The following DNAH14 variants were observed in gnomAD, a reference collection of about 807,000 sequenced individuals.
DNAH14 encodes dynein axonemal heavy chain 14, also known as axonemal beta dynein heavy chain 14.
In DNAH14, 478 loss-of-function variants were observed where a neutral mutation model predicts 520.9. The ratio of observed to expected loss-of-function variants is 0.92; its 90% CI spans 0.85 to 0.99. DNAH14 has a LOEUF of 0.99. Ranked by LOEUF, DNAH14 falls within the 50% of genes least tolerant of loss-of-function variation. The pLI is 0.00. For missense variants in DNAH14, 4,831 were observed against 5,234.5 expected, an observed-to-expected ratio of 0.92 and a Z score of 2.38; for synonymous variants, 1,581 against 1,757.2, an observed-to-expected ratio of 0.90 and a Z score of 2.51.
chr1:225,262,092 G>A (rs1275750786), intron 46 of DNAH14, among the ~76,000 whole-genome samples: 1 of 151,774 alleles, frequency 6.6e-6, no homozygotes, highest in Non-Finnish European at 1.5e-5. Context: ...ATTGGTTTTT[G>A]TTGGCTTAGA....
At chr1:225,172,696 A>C (rs2149239531) in intron 36 of DNAH14, among the ~76,000 whole-genome samples, 2 of 152,308 alleles carry the variant, frequency 1.3e-5, no homozygotes, top group Middle Eastern at 3.4e-3. Context: ...GCCCAAGGTA[A>C]TTTATAGATT....
chr1:225,031,563 A>G (rs2066527030), intron 11 of DNAH14, among the ~76,000 whole-genome samples: 4 of 152,070 alleles, frequency 2.6e-5, no homozygotes, highest in Admixed American at 2.6e-4. Flanking sequence ...GATGTCTAAA[A>G]AGCTAAAAGA....
intron 39 of DNAH14, 120 bp downstream of exon 39, chr1:225,204,393 T>C (rs929855155): frequency 1.7e-6 from 1 of 574,972 alleles, no homozygotes; most frequent in South Asian, 2.8e-5. Flanking sequence ...TCCTGTACCA[T>C]TTATTTGTTC....
intron 11 of DNAH14, chr1:225,024,131 T>G: frequency 9.8e-7 from 1 of 1,023,534 alleles, no homozygotes; most frequent in Non-Finnish European, 1.2e-6. Context: ...TATGTTAAAA[T>G]TATTGTTTAT....
intron 23 of DNAH14, among the ~76,000 whole-genome samples, chr1:225,102,549 C>G (rs1208531073): frequency 1.3e-5 from 2 of 152,152 alleles, no homozygotes; most frequent in Admixed American, 6.5e-5. Flanking sequence ...CTCTCCAGCA[C>G]CTGTTGCTTC....
chr1:225,066,746 A>G (rs575928112), intron 17 of DNAH14, among the ~76,000 whole-genome samples: 97 of 151,890 alleles, frequency 6.4e-4, no homozygotes, highest in Non-Finnish European at 1.0e-3. Flanking sequence ...AGAACATATG[A>G]TATTTGGTTT....
At chr1:225,233,720 C>T (rs2091330733) in intron 42 of DNAH14, among the ~76,000 whole-genome samples, 1 of 152,048 alleles carries the variant, frequency 6.6e-6, no homozygotes, top group Non-Finnish European at 1.5e-5. Context: ...CAAAAATTTT[C>T]TCCCATTCTG....
rs1332045212 is a variant in DNAH14 at position 225,159,436 on chromosome 1, A to G, written c.5396A>G (p.Asp1799Gly). The G allele has an allele frequency of 6.5e-7, 1 of 1,543,442 alleles. No individual in the cohort carries two copies. The highest frequency in any genetic ancestry group is 2.0e-5 in the Admixed American group (1 of 49,446). ...DVPLFENIIGDIFPEVTVLKV... is the reference protein window; with the variant it reads ...DVPLFENIIGGIFPEVTVLKV... ...CCACTTTTTGAAAATATTATAGGAG[A>G]TATTTTTCCAGAAGTGACAGTTTTG... The change falls in exon 35 of 86, where the codon GAT (aspartate) becomes GGT (glycine). Residue 1799 changes from aspartate to glycine, a missense_variant. Physicochemically the swap from Asp to Gly is moderately conservative, Grantham distance 94. Coordinates refer to ENST00000682510, the MANE Select transcript of DNAH14 (RefSeq NM_001367479.1).
intron 7 of DNAH14, among the ~76,000 whole-genome samples, chr1:224,972,990 C>T (rs1229371951): frequency 6.6e-6 from 1 of 152,102 alleles, no homozygotes. Context: ...TCACTGGGTT[C>T]CCCTCTGATT....
intron 1 of DNAH14, among the ~76,000 whole-genome samples, chr1:224,951,630 G>A (rs2060176617): frequency 6.9e-6 from 1 of 144,582 alleles, no homozygotes; most frequent in African/African-American, 2.6e-5. Context: ...CATACCTACT[G>A]TGTAGATTTC....
At chr1:225,352,416 A>G (rs3913655) in intron 72 of DNAH14, among the ~76,000 whole-genome samples, 11,556 of 152,190 alleles carry the variant, frequency 0.076, 700 homozygotes, top group East Asian at 0.26. Flanking sequence ...CAAAATAGAC[A>G]ATTATATTAT....
At position 225,373,436 on chromosome 1, in the gene DNAH14, G is replaced by GC. The variant is rs111463182; in HGVS notation, c.12319-1251dup. Among the ~76,000 whole-genome samples, 229 of 151,676 alleles carry GC rather than the reference G, an allele frequency of 1.5e-3. 1 individual carries two copies. The highest frequency in any genetic ancestry group is 5.0e-3 in the African/African-American group (207 of 41,350). On this transcript the variant is annotated intron_variant, in intron 77 of 85. Transcript: ENST00000682510. The stretch of plus-strand genomic sequence containing the variant: ...GCCGAGGTCGCGCCACTGCACTCCA[G>GC]CTGGGCGACAGAGCAAGACTCCGTC...
At chr1:225,279,179 G>GTT (rs1273771987) in intron 54 of DNAH14, among the ~76,000 whole-genome samples, 13 of 151,984 alleles carry the variant, frequency 8.6e-5, no homozygotes, top group Non-Finnish European at 1.6e-4. Context: ...CTAATATTTT[G>GTT]TATTTTTAGT....
intron 36 of DNAH14, among the ~76,000 whole-genome samples, chr1:225,174,688 G>T (rs1457678420): frequency 1.3e-5 from 2 of 151,970 alleles, no homozygotes; most frequent in African/African-American, 4.8e-5. Context: ...TAATTGCTCT[G>T]CCTAGAACTT....
chr1:225,398,412 T>C, intron 84 of DNAH14, 108 bp from the exon 85 acceptor site: 14 of 1,352,050 alleles, frequency 1.0e-5, no homozygotes, highest in Non-Finnish European at 1.3e-5. Flanking sequence ...GCAACATGCC[T>C]TAGGCAGGAT....
chr1:225,377,658 G>T (rs2095718808), intron 79 of DNAH14, among the ~76,000 whole-genome samples: 1 of 152,048 alleles, frequency 6.6e-6, no homozygotes, highest in Non-Finnish European at 1.5e-5. Flanking sequence ...AACTTGCGAG[G>T]CTGAGACCCT....
chr1:225,361,758 G>T (rs941452783), intron 75 of DNAH14, among the ~76,000 whole-genome samples: 2 of 152,094 alleles, frequency 1.3e-5, no homozygotes, highest in Non-Finnish European at 2.9e-5. Context: ...AGTGGCTCAC[G>T]CCTATAGTCC....
chr1:225,167,983 G>C lies in DNAH14; in HGVS notation c.5490G>C (p.Trp1830Cys). 1 of 1,539,284 alleles carries C rather than the reference G, an allele frequency of 6.5e-7. No homozygotes were observed. Among genetic ancestry groups the C allele is most frequent in the South Asian group, 1.2e-5 (1 of 81,298 alleles). ...CTCAGCAATTGGGTTTACAAAACTG[G>C]TCATCTCAGAAAGAGAAGATTATAC... ...TATQQLGLQN[W>C]SSQKEKIIQF... The change falls in exon 36 of 86, where the codon TGG becomes TGC. Residue 1830 changes from tryptophan to cysteine, a missense_variant. Physicochemically the swap from Trp to Cys is radical, Grantham distance 215. Coordinates refer to ENST00000682510, the MANE Select transcript of DNAH14 (RefSeq NM_001367479.1).
intron 15 of DNAH14, among the ~76,000 whole-genome samples, chr1:225,048,191 A>G (rs2068138021): frequency 6.6e-6 from 1 of 152,196 alleles, no homozygotes; most frequent in African/African-American, 2.4e-5. Flanking sequence ...TTTCACTTAG[A>G]AAAATGCATT....
Sources: allele counts gnomAD v4.1 joint callset (sites outside exome capture counted in the v4.1 genomes callset), GRCh38; gene constraint gnomAD v4.1.1; transcripts MANE v1.5; gene names NCBI Gene and HGNC (gene_info 2026-07-23, HGNC 2026-07-21).